The following CNTN5 variants were observed in gnomAD, a reference collection of about 807,000 sequenced individuals.
CNTN5 encodes the protein contactin-5.
Under a neutral mutation model 129.1 loss-of-function variants are expected in CNTN5, and 77 were observed. The ratio of observed to expected loss-of-function variants is 0.60; its 90% CI spans 0.50 to 0.72. The LOEUF (loss-of-function observed/expected upper bound fraction) is 0.72. Among genes scored for constraint, CNTN5 ranks in the 30% least tolerant of loss-of-function variants. CNTN5 has a pLI of 0.00. For missense variants in CNTN5, 1,478 were observed against 1,328.8 expected, an observed-to-expected ratio of 1.11 and a Z score of -1.75; for synonymous variants, 509 against 465.6, an observed-to-expected ratio of 1.09 and a Z score of -1.20.
At chr11:99,164,131 G>A (rs563341795) in intron 1 of CNTN5, among the ~76,000 whole-genome samples, 1 of 151,978 alleles carries the variant, frequency 6.6e-6, no homozygotes, top group Non-Finnish European at 1.5e-5. Flanking sequence ...TTCAAGACCA[G>A]CCTGGCCAAC....
At chr11:99,114,296 C>T (rs1012346356) in intron 1 of CNTN5, among the ~76,000 whole-genome samples, 8 of 152,088 alleles carry the variant, frequency 5.3e-5, no homozygotes, top group Non-Finnish European at 1.0e-4. Context: ...TTATATCATT[C>T]GAGAGATGTA....
At chr11:99,731,107 T>A (rs185398534) in intron 3 of CNTN5, among the ~76,000 whole-genome samples, 86 of 150,140 alleles carry the variant, frequency 5.7e-4, no homozygotes, top group Admixed American at 2.1e-3. Flanking sequence ...AAATCAGCAT[T>A]TTTTTTTTCT....
At chr11:99,922,040 G>T (rs140316378) in intron 7 of CNTN5, among the ~76,000 whole-genome samples, 1 of 152,070 alleles carries the variant, frequency 6.6e-6, no homozygotes, top group Admixed American at 6.6e-5. Context: ...GTCCATTTTC[G>T]TATTGCTGTG....
intron 2 of CNTN5, among the ~76,000 whole-genome samples, chr11:99,449,900 A>C (rs1378484150): frequency 6.6e-6 from 1 of 152,232 alleles, no homozygotes; most frequent in African/African-American, 2.4e-5. Context: ...GTCTATGGTC[A>C]TGGATGTATT....
At chr11:99,793,134 A>G (rs983560577) in intron 3 of CNTN5, among the ~76,000 whole-genome samples, 2 of 150,934 alleles carry the variant, frequency 1.3e-5, no homozygotes, top group Non-Finnish European at 2.9e-5. Context: ...ATCTCGGCTC[A>G]CTGCAACCTC....
intron 6 of CNTN5, among the ~76,000 whole-genome samples, chr11:99,850,049 C>T (rs531102864): frequency 7.0e-4 from 107 of 152,204 alleles, no homozygotes; most frequent in African/African-American, 2.5e-3. Context: ...AGCATGCAAT[C>T]ATAGTGTTCT....
chr11:99,441,095 C>G (rs892861176), intron 2 of CNTN5, among the ~76,000 whole-genome samples: 2 of 152,154 alleles, frequency 1.3e-5, no homozygotes, highest in Non-Finnish European at 2.9e-5. Context: ...GCTGGGATTA[C>G]AGGTATGAGC....
At chr11:99,733,258 G>T (rs1419116332) in intron 3 of CNTN5, among the ~76,000 whole-genome samples, 3 of 150,370 alleles carry the variant, frequency 2.0e-5, no homozygotes, top group Admixed American at 6.6e-5. Flanking sequence ...GGAGGCGGAG[G>T]TTGCAGTGAG....
chr11:99,719,264 G>C (rs1411274627), intron 3 of CNTN5, among the ~76,000 whole-genome samples: 1 of 151,922 alleles, frequency 6.6e-6, no homozygotes, highest in Non-Finnish European at 1.5e-5. Flanking sequence ...AGGTTGCAGT[G>C]AGCTGAGATC....
chr11:99,425,990 A>G (rs1943103187), intron 2 of CNTN5, among the ~76,000 whole-genome samples: 2 of 152,386 alleles, frequency 1.3e-5, no homozygotes, highest in Non-Finnish European at 1.5e-5. Context: ...TAACATAATT[A>G]TAATTACTAC....
chr11:100,104,135 C>T (rs1418032693), intron 13 of CNTN5, among the ~76,000 whole-genome samples: 1 of 146,836 alleles, frequency 6.8e-6, no homozygotes, highest in Non-Finnish European at 1.5e-5. Flanking sequence ...TTCTCTGTCA[C>T]CCAAGCTGGA....
intron 7 of CNTN5, among the ~76,000 whole-genome samples, chr11:99,955,318 T>C (rs948443370): frequency 2.6e-5 from 4 of 151,872 alleles, no homozygotes; most frequent in Non-Finnish European, 5.9e-5. Flanking sequence ...GTATTTCAAT[T>C]ATACTTTATG....
rs144270275 is a variant in CNTN5, at chr11:100,356,052, C to T, written c.3200-65C>T. 24 of 1,084,074 alleles carry T rather than the reference C, an allele frequency of 2.2e-5. No individual in the cohort carries two copies. The Admixed American group carries it at 3.9e-4, about 18-fold the overall frequency. 67.2% of individuals were successfully genotyped at this position (1,084,074 alleles called of 1,614,324 possible). A position where few individuals can be genotyped will look rare whatever the true frequency, so the allele number is the denominator to read the frequency against. Reference sequence around the variant, plus strand: ...ACTCATTAGTCTTACATACTAAAAACAATTCTGTCCTAGCTCAAGCAAAAC... The same window carrying T: ...ACTCATTAGTCTTACATACTAAAAATAATTCTGTCCTAGCTCAAGCAAAAC... On this transcript the variant is annotated intron_variant, in intron 24 of 24. Coordinates refer to ENST00000524871, the MANE Select transcript of CNTN5 (RefSeq NM_014361.4).
intron 8 of CNTN5, among the ~76,000 whole-genome samples, chr11:99,981,076 G>GAATATATATATATATATA (rs1385717951): frequency 0.013 from 155 of 11,950 alleles, no homozygotes; most frequent in Middle Eastern, 0.12. Flanking sequence ...AGAGCCAATA[G>GAATATATATATATATATA]GATATATATA....
intron 1 of CNTN5, among the ~76,000 whole-genome samples, chr11:99,228,085 A>G (rs534846531): frequency 2.6e-5 from 4 of 152,218 alleles, no homozygotes; most frequent in African/African-American, 7.2e-5. Context: ...GAAACTGTAA[A>G]GAGAATTACG....
At chr11:100,277,576 A>G (rs1270753503) in intron 18 of CNTN5, among the ~76,000 whole-genome samples, 2 of 152,162 alleles carry the variant, frequency 1.3e-5, no homozygotes, top group Non-Finnish European at 2.9e-5. Context: ...ATGATCAATT[A>G]TGCTGAGCAC....
chr11:99,811,810 CTT>C lies in CNTN5; in HGVS notation c.56-7732_56-7731del, dbSNP rs370041879. ...AATCTCTGGGCCACTTTAGAAATAACTTTAACACATGCTCCCTAAGGTCTAAC... is the reference window on the plus strand; with the variant it reads ...AATCTCTGGGCCACTTTAGAAATAACTAACACATGCTCCCTAAGGTCTAAC... On this transcript the variant is annotated intron_variant, in intron 3 of 24. Transcript: ENST00000524871. Among the ~76,000 whole-genome samples the C allele has an allele frequency of 1.3e-3, 204 of 152,118 alleles. 1 individual carries two copies. Among genetic ancestry groups the C allele is most frequent in the African/African-American group, 4.6e-3 (193 of 41,522 alleles).
At chr11:99,246,017 G>A (rs1303569914) in intron 1 of CNTN5, among the ~76,000 whole-genome samples, 1 of 152,128 alleles carries the variant, frequency 6.6e-6, no homozygotes, top group Non-Finnish European at 1.5e-5. Context: ...TACAAGCAGT[G>A]ACATGAACTT....
intron 3 of CNTN5, among the ~76,000 whole-genome samples, chr11:99,742,875 C>G (rs763539150): frequency 1.3e-5 from 2 of 152,144 alleles, no homozygotes; most frequent in Non-Finnish European, 2.9e-5. Flanking sequence ...TGTTTTAGAG[C>G]CTGTGCTAAT....
Sources: gnomAD v4.1 joint callset for allele counts (sites outside exome capture counted in the v4.1 genomes callset) on GRCh38, gnomAD v4.1.1 for gene constraint, MANE v1.5 for transcripts, NCBI Gene and HGNC (gene_info 2026-07-23, HGNC 2026-07-21) for gene names.